The following KCNU1 variants were observed in gnomAD, a reference collection of about 807,000 sequenced individuals.
KCNU1 encodes the protein potassium channel subfamily U member 1.
In KCNU1, 93 loss-of-function variants were observed where a neutral mutation model predicts 126.8. The observed-to-expected ratio is 0.73, with a 90% CI of 0.62 to 0.87. The LOEUF (loss-of-function observed/expected upper bound fraction) is 0.87. Among genes scored for constraint, KCNU1 ranks in the 40% least tolerant of loss-of-function variants. KCNU1 has a pLI of 0.00. For missense variants in KCNU1, 1,330 were observed against 1,367.1 expected (o/e 0.97, Z 0.43); for synonymous variants, 523 against 494.2 (o/e 1.06, Z -0.77).
chr8:36,801,304 G>A (rs377743993), intron 2 of KCNU1, among the ~76,000 whole-genome samples: 12 of 152,106 alleles, frequency 7.9e-5, no homozygotes, highest in Admixed American at 1.3e-4. Context: ...CTTTCCTCTC[G>A]TTAGTGTCCA....
At chr8:36,793,983 G>A (rs910717234) in intron 2 of KCNU1, among the ~76,000 whole-genome samples, 1 of 151,004 alleles carries the variant, frequency 6.6e-6, no homozygotes, top group African/African-American at 2.4e-5. Context: ...GAACCTGGGC[G>A]GCAGAGGTTG....
intron 24 of KCNU1, among the ~76,000 whole-genome samples, chr8:36,925,539 C>A (rs889520161): frequency 1.3e-5 from 2 of 152,138 alleles, no homozygotes; most frequent in African/African-American, 4.8e-5. Context: ...TTTTTGTTTT[C>A]CTTCTCGTTT....
chr8:36,812,484 C>T (rs1416297404), intron 7 of KCNU1, among the ~76,000 whole-genome samples: 1 of 151,240 alleles, frequency 6.6e-6, no homozygotes, highest in Non-Finnish European at 1.5e-5. Context: ...TGTAGATGCA[C>T]AAATAAAAGT....
At chr8:36,903,969 G>A (rs543904320) in intron 19 of KCNU1, among the ~76,000 whole-genome samples, 2 of 152,140 alleles carry the variant, frequency 1.3e-5, no homozygotes, top group East Asian at 1.9e-4. Flanking sequence ...CCTCCCACTG[G>A]GTCCCTCCCA....
At chr8:36,928,029 A>C (rs1042148286) in intron 24 of KCNU1, among the ~76,000 whole-genome samples, 10 of 145,640 alleles carry the variant, frequency 6.9e-5, no homozygotes, top group Admixed American at 2.8e-4. Context: ...GGAGGGAGGG[A>C]CGGAGGGAGG....
intron 18 of KCNU1, among the ~76,000 whole-genome samples, chr8:36,856,031 C>T (rs1805517184): frequency 6.6e-6 from 1 of 152,228 alleles, no homozygotes; most frequent in East Asian, 1.9e-4. Context: ...TTTGGGGAGA[C>T]AGTCTCCAAT....
intron 19 of KCNU1, among the ~76,000 whole-genome samples, chr8:36,890,025 C>T (rs1388173906): frequency 6.6e-6 from 1 of 151,862 alleles, no homozygotes; most frequent in Non-Finnish European, 1.5e-5. Flanking sequence ...AATTTTTCTT[C>T]AAAATTGAAG....
intron 15 of KCNU1, 133 bp from the exon 16 acceptor site, chr8:36,840,799 A>G (rs2130575922): frequency 1.4e-6 from 1 of 725,174 alleles, no homozygotes; most frequent in Admixed American, 2.2e-5. Context: ...TTCACTTACA[A>G]GGGATCATTC....
intron 22 of KCNU1, among the ~76,000 whole-genome samples, chr8:36,912,522 A>G (rs1411297102): frequency 2.0e-5 from 3 of 152,100 alleles, no homozygotes; most frequent in Admixed American, 2.0e-4. Flanking sequence ...AAATCTGAAT[A>G]TTCATAAAAG....
chr8:36,868,558 A>G (rs1470089586), intron 19 of KCNU1, among the ~76,000 whole-genome samples: 1 of 152,116 alleles, frequency 6.6e-6, no homozygotes, highest in Admixed American at 6.6e-5. Flanking sequence ...AAGTTCAGAA[A>G]CTACTATTTT....
chr8:36,842,995 C>G (rs963177492), intron 16 of KCNU1, among the ~76,000 whole-genome samples: 2 of 152,108 alleles, frequency 1.3e-5, no homozygotes, highest in Non-Finnish European at 2.9e-5. Flanking sequence ...CTTATAGATT[C>G]CAAAACCCTA....
intron 22 of KCNU1, among the ~76,000 whole-genome samples, chr8:36,916,319 G>A (rs1465423145): frequency 1.4e-5 from 2 of 142,906 alleles, no homozygotes; most frequent in South Asian, 2.3e-4. Flanking sequence ...GGTGAGGGAA[G>A]GGAAGGAAAG....
intron 19 of KCNU1, among the ~76,000 whole-genome samples, chr8:36,886,031 C>G (rs1301945752): frequency 6.6e-6 from 1 of 152,160 alleles, no homozygotes; most frequent in Non-Finnish European, 1.5e-5. Context: ...ATCATACAAT[C>G]ATATAATCTT....
At chr8:36,841,563 A>T (rs891589437) in intron 16 of KCNU1, among the ~76,000 whole-genome samples, 3 of 152,072 alleles carry the variant, frequency 2.0e-5, no homozygotes, top group Non-Finnish European at 4.4e-5. Flanking sequence ...ATTGTCGTGC[A>T]CCTGGGCCTG....
At chr8:36,913,223 A>G (rs1321769515) in intron 22 of KCNU1, among the ~76,000 whole-genome samples, 8 of 152,068 alleles carry the variant, frequency 5.3e-5, no homozygotes, top group Non-Finnish European at 7.3e-5. Flanking sequence ...TTGATTTTTT[A>G]TGATATGTTG....
rs185039033 is a variant in KCNU1 at position 36,807,466 on chromosome 8, C to T, written c.656+16C>T. 156 of 1,558,992 alleles carry T rather than the reference C, an allele frequency of 1.0e-4. No homozygotes were observed. The highest frequency in any genetic ancestry group is 8.0e-4 in the Admixed American group (48 of 59,860). Reference sequence around the variant, plus strand: ...TCAAGACCAGGTAAATAGCCCTGACCGAAGTACTGCTTACTTATTAGTTTG... The same window carrying T: ...TCAAGACCAGGTAAATAGCCCTGACTGAAGTACTGCTTACTTATTAGTTTG... On this transcript the variant is annotated intron_variant, in intron 6 of 26. Transcript: ENST00000399881.
chr8:36,861,808 T>C (rs559175992), intron 18 of KCNU1, among the ~76,000 whole-genome samples: 2 of 152,328 alleles, frequency 1.3e-5, no homozygotes, highest in South Asian at 4.1e-4. Context: ...CATATGGAAA[T>C]CACATATGAG....
intron 15 of KCNU1, 55 bp from the exon 16 acceptor site, chr8:36,840,877 T>C (rs1804924932): frequency 8.2e-7 from 1 of 1,215,976 alleles, no homozygotes; most frequent in Non-Finnish European, 1.2e-6. Flanking sequence ...GTGTTAGTTA[T>C]TTTGTTGTTC....
intron 19 of KCNU1, among the ~76,000 whole-genome samples, chr8:36,865,062 T>C (rs1260161540): frequency 3.3e-5 from 5 of 152,180 alleles, no homozygotes; most frequent in Non-Finnish European, 7.3e-5. Context: ...CAAACTTTAA[T>C]GAAAATGACT....
Sources: gnomAD v4.1 joint callset for allele counts (sites outside exome capture counted in the v4.1 genomes callset) on GRCh38, gnomAD v4.1.1 for gene constraint, MANE v1.5 for transcripts, NCBI Gene and HGNC (gene_info 2026-07-23, HGNC 2026-07-21) for gene names.